Variants in PTPN4 observed in about 807,000 individuals in gnomAD.
The protein encoded by PTPN4 is protein tyrosine phosphatase non-receptor type 4, also known as tyrosine-protein phosphatase non-receptor type 4.
PTPN4 carries 49 observed loss-of-function variants against 135.5 expected under a neutral mutation model. The observed-to-expected ratio is 0.36, with a 90% CI of 0.29 to 0.46. The LOEUF is 0.46. Ranked by LOEUF, PTPN4 falls within the 20% of genes least tolerant of loss-of-function variation. PTPN4 has a pLI of 1.00. For synonymous variants in PTPN4, 333 were observed against 369.9 expected (o/e 0.90, Z 1.14); for missense variants, 860 against 1,101.0 (o/e 0.78, Z 3.10).
intron 26 of PTPN4, among the ~76,000 whole-genome samples, chr2:119,968,232 T>G (rs1039465449): frequency 6.6e-6 from 1 of 152,214 alleles, no homozygotes. Flanking sequence ...CTGCAGAGTT[T>G]AGAAGTTGCA....
At chr2:119,766,466 GTGTGTGTGTGTGTGTGT>G (rs1558718950) in intron 1 of PTPN4, among the ~76,000 whole-genome samples, 56 of 142,644 alleles carry the variant, frequency 3.9e-4, no homozygotes, top group African/African-American at 1.5e-3. Flanking sequence ...GTGTGTGTGT[GTGTGTGTGTGTGTGTGT>G]CTGTGTGTGT....
chr2:119,972,708 T>G (rs1679554955), intron 26 of PTPN4, among the ~76,000 whole-genome samples: 1 of 152,124 alleles, frequency 6.6e-6, no homozygotes, highest in South Asian at 2.1e-4. Context: ...TAAATGCCCT[T>G]TATCAAGTAG....
At chr2:119,801,322 A>C (rs1294029363) in intron 1 of PTPN4, among the ~76,000 whole-genome samples, 3 of 152,188 alleles carry the variant, frequency 2.0e-5, no homozygotes, top group Non-Finnish European at 4.4e-5. Context: ...TCCTGGCCTC[A>C]AGTGTTCTGC....
intron 25 of PTPN4, among the ~76,000 whole-genome samples, chr2:119,967,635 A>G (rs1228378139): frequency 1.3e-5 from 2 of 152,194 alleles, no homozygotes; most frequent in Non-Finnish European, 2.9e-5. Context: ...AACGTGGTAG[A>G]TGGAAGATAC....
At chr2:119,813,642 T>G (rs977687969) in intron 2 of PTPN4, among the ~76,000 whole-genome samples, 2 of 152,192 alleles carry the variant, frequency 1.3e-5, no homozygotes, top group Non-Finnish European at 1.5e-5. Context: ...CATGTAATGT[T>G]ACTTTTTCCA....
chr2:119,901,769 A>C (rs1411356418), intron 10 of PTPN4, among the ~76,000 whole-genome samples: 1 of 152,228 alleles, frequency 6.6e-6, no homozygotes, highest in Non-Finnish European at 1.5e-5. Context: ...AAATGTAAGC[A>C]CAGAGATGGA....
At chr2:119,942,930 G>A (rs1008385502) in intron 15 of PTPN4, among the ~76,000 whole-genome samples, 1 of 152,166 alleles carries the variant, frequency 6.6e-6, no homozygotes, top group African/African-American at 2.4e-5. Flanking sequence ...GGAGCTGGAA[G>A]CCCTGGCCAT....
chr2:119,977,581 C>T lies in PTPN4; in HGVS notation c.*511C>T, dbSNP rs1007044291. ...GCCTATGGATGCAGCACATTTTTCC[C>T]TGCACACCCCCTGTAGAGACCTGCC... On this transcript the variant is annotated 3_prime_UTR_variant, in exon 27 of 27. Coordinates refer to ENST00000263708, the MANE Select transcript of PTPN4 (RefSeq NM_002830.4). 2 of 152,360 alleles carry T rather than the reference C, an allele frequency of 1.3e-5. No homozygotes were observed. Among genetic ancestry groups the T allele is most frequent in the African/African-American group, 4.8e-5 (2 of 41,418 alleles). The allele number at this position is 152,360 out of a possible 1,614,324, so 9.4% of individuals were successfully genotyped here. A position where few individuals can be genotyped will look rare whatever the true frequency, so the allele number is the denominator to read the frequency against.
chr2:119,962,441 C>T (rs1410107456), intron 23 of PTPN4, among the ~76,000 whole-genome samples, 175 bp from the exon 24 acceptor site: 2 of 143,738 alleles, frequency 1.4e-5, no homozygotes, highest in Non-Finnish European at 3.0e-5. Context: ...GCAACAAGAG[C>T]AAAACTCCAT....
At chr2:119,797,932 T>C (rs1372499519) in intron 1 of PTPN4, among the ~76,000 whole-genome samples, 1 of 152,158 alleles carries the variant, frequency 6.6e-6, no homozygotes. Flanking sequence ...TCATTTATGT[T>C]CAACTCTTCA....
At chr2:119,872,100 G>T (rs1222904561) in intron 3 of PTPN4, among the ~76,000 whole-genome samples, 2 of 151,984 alleles carry the variant, frequency 1.3e-5, no homozygotes, top group Admixed American at 6.6e-5. Flanking sequence ...ATTAAATTTT[G>T]TTTTAATTTT....
chr2:119,846,714 A>G (rs1371242496), intron 2 of PTPN4, among the ~76,000 whole-genome samples: 2 of 151,646 alleles, frequency 1.3e-5, no homozygotes, highest in African/African-American at 4.8e-5. Flanking sequence ...CATTCAGTGC[A>G]TATTTTCTTG....
At chr2:119,850,946 T>A (rs1300703011) in intron 2 of PTPN4, among the ~76,000 whole-genome samples, 1 of 152,178 alleles carries the variant, frequency 6.6e-6, no homozygotes, top group African/African-American at 2.4e-5. Context: ...CTATTAATAT[T>A]TTTTGAGGAT....
intron 22 of PTPN4, 35 bp from the exon 23 acceptor site, chr2:119,960,772 C>G (rs1679354538): frequency 1.3e-6 from 2 of 1,595,540 alleles, no homozygotes; most frequent in Non-Finnish European, 1.7e-6. Context: ...AAAAGTAATG[C>G]AAAACATTTT....
Position 119,978,598 on chromosome 2 carries a change from C to T in PTPN4, c.*1528C>T, listed in dbSNP as rs1679650551. ...TCAGGTTTTTTTGTTTTTAAGTCTA[C>T]AGAGAGATAGAACCTTAACATTGCC... On this transcript the variant is annotated 3_prime_UTR_variant, in exon 27 of 27. Transcript: ENST00000263708. 6.6e-6 allele frequency: 1 copy of T among 152,046 alleles called. No individual in the cohort carries two copies. The highest frequency in any genetic ancestry group is 2.4e-5 in the African/African-American group (1 of 41,422). 9.4% of individuals were successfully genotyped at this position (152,046 alleles called of 1,614,324 possible). A position where few individuals can be genotyped will look rare whatever the true frequency, so the allele number is the denominator to read the frequency against.
intron 9 of PTPN4, among the ~76,000 whole-genome samples, chr2:119,895,317 TAG>T (rs903493646): frequency 1.3e-5 from 2 of 152,182 alleles, no homozygotes; most frequent in Non-Finnish European, 2.9e-5. Flanking sequence ...CATGTGATAG[TAG>T]AGAGGTCAGA....
intron 9 of PTPN4, among the ~76,000 whole-genome samples, chr2:119,889,352 G>A (rs898862457): frequency 5.9e-5 from 9 of 152,082 alleles, no homozygotes; most frequent in African/African-American, 9.7e-5. Context: ...CCCTGGAGGC[G>A]GAGCTTGCAG....
At chr2:119,834,944 A>T (rs762981958) in intron 2 of PTPN4, among the ~76,000 whole-genome samples, 25 of 152,204 alleles carry the variant, frequency 1.6e-4, no homozygotes, top group Non-Finnish European at 3.2e-4. Flanking sequence ...ACTCTTACTT[A>T]GAGCTCTTAT....
rs964317095 is a variant in PTPN4 at position 119,984,601 on chromosome 2, G to A, written c.*7531G>A. On this transcript the variant is annotated 3_prime_UTR_variant, in exon 27 of 27. Coordinates refer to ENST00000263708, the MANE Select transcript of PTPN4 (RefSeq NM_002830.4). ...AAATCACTCTGCATTTGTCACTGCA[G>A]CTTACTGTATGCTTGAAAGGCCTTG... Among the ~76,000 whole-genome samples, 1 of 152,168 alleles carries A rather than the reference G, an allele frequency of 6.6e-6. No homozygotes were observed. The highest frequency in any genetic ancestry group is 1.9e-4 in the East Asian group (1 of 5,204).
Sources: allele counts gnomAD v4.1 joint callset (sites outside exome capture counted in the v4.1 genomes callset), GRCh38; gene constraint gnomAD v4.1.1; transcripts MANE v1.5; gene names NCBI Gene and HGNC (gene_info 2026-07-23, HGNC 2026-07-21).